The following CCDC171 variants were observed in gnomAD, a reference collection of about 807,000 sequenced individuals.
CCDC171 encodes coiled-coil domain-containing protein 171.
In CCDC171, 177 loss-of-function variants were observed where a neutral mutation model predicts 168.2. The observed-to-expected ratio is 1.05, with a 90% CI of 0.93 to 1.19. The LOEUF (loss-of-function observed/expected upper bound fraction) is 1.19, where lower values mean the gene tolerates loss of function less well. Among genes scored for constraint, CCDC171 ranks in the 50% most tolerant of loss-of-function variants. CCDC171 has a pLI of 0.00. For missense variants in CCDC171, 1,991 were observed against 1,539.0 expected (o/e 1.29, Z -4.91); for synonymous variants, 687 against 540.8 (o/e 1.27, Z -3.75).
downstream of CCDC171, among the ~76,000 whole-genome samples, chr9:15,978,547 G>T (rs983291941): frequency 2.0e-5 from 3 of 152,156 alleles, no homozygotes; most frequent in African/African-American, 7.2e-5. Flanking sequence ...TTTTGAGGAA[G>T]TCCAACGTTG....
intron 15 of CCDC171, among the ~76,000 whole-genome samples, chr9:15,729,086 C>G (rs77432394): frequency 0.024 from 3,723 of 152,120 alleles, 135 homozygotes; most frequent in African/African-American, 0.083. Context: ...TGTGTTTTAA[C>G]CCTATGAGAT....
the CCDC171 span, among the ~76,000 whole-genome samples, chr9:16,096,702 C>T: frequency 1.3e-5 from 2 of 152,190 alleles, no homozygotes; most frequent in African/African-American, 2.4e-5. Context: ...CCATGACACA[C>T]TTCTTGCAAG....
chr9:15,868,743 T>C (rs537619478), intron 23 of CCDC171, among the ~76,000 whole-genome samples: 9 of 152,106 alleles, frequency 5.9e-5, no homozygotes, highest in Non-Finnish European at 8.8e-5. Flanking sequence ...AAACGCATTA[T>C]TGTTTGGCGC....
chr9:15,748,817 A>T (rs990928937), intron 18 of CCDC171, among the ~76,000 whole-genome samples: 1 of 152,216 alleles, frequency 6.6e-6, no homozygotes, highest in Admixed American at 6.5e-5. Context: ...AGAGCTCCTG[A>T]AGGAAGCACT....
At chr9:15,669,130 T>G (rs1275836197) in intron 9 of CCDC171, among the ~76,000 whole-genome samples, 1 of 152,114 alleles carries the variant, frequency 6.6e-6, no homozygotes, top group African/African-American at 2.4e-5. Context: ...AAAAAAGCTG[T>G]GTGTATATTG....
At chr9:15,938,460 A>G (rs958685162) in intron 25 of CCDC171, among the ~76,000 whole-genome samples, 17 of 151,940 alleles carry the variant, frequency 1.1e-4, no homozygotes, top group African/African-American at 4.1e-4. Flanking sequence ...TTCTTTTAAA[A>G]AATGACTGTA....
intron 24 of CCDC171, among the ~76,000 whole-genome samples, chr9:15,890,176 T>G (rs1038156528): frequency 5.3e-5 from 8 of 149,820 alleles, no homozygotes; most frequent in Non-Finnish European, 1.0e-4. Context: ...TTTTTTTTTT[T>G]GAGGGGAAAG....
intron 1 of CCDC171, among the ~76,000 whole-genome samples, chr9:15,554,342 T>G (rs371390198): frequency 4.6e-5 from 7 of 152,200 alleles, no homozygotes; most frequent in East Asian, 1.9e-4. Flanking sequence ...TATTTAACTG[T>G]TAGTTCCTAC....
chr9:15,781,527 C>T (rs1180677924), intron 20 of CCDC171, among the ~76,000 whole-genome samples: 3 of 152,144 alleles, frequency 2.0e-5, no homozygotes, highest in Admixed American at 6.5e-5. Flanking sequence ...AAGGAATTCT[C>T]CTGCCTCAGC....
At chr9:15,764,812 A>G (rs140238820) in intron 18 of CCDC171, among the ~76,000 whole-genome samples, 13 of 152,306 alleles carry the variant, frequency 8.5e-5, no homozygotes, top group African/African-American at 3.1e-4. Context: ...CATTAGAATT[A>G]CCTGTGGAGC....
At chr9:15,950,881 C>G (rs970964293) in intron 25 of CCDC171, among the ~76,000 whole-genome samples, 45 of 151,278 alleles carry the variant, frequency 3.0e-4, no homozygotes, top group African/African-American at 1.0e-3. Flanking sequence ...GGAAAGCCAT[C>G]TCACGTGCAG....
the CCDC171 span, among the ~76,000 whole-genome samples, chr9:16,090,259 T>C: frequency 6.6e-6 from 1 of 152,222 alleles, no homozygotes; most frequent in Admixed American, 6.5e-5. Flanking sequence ...GATGAGTTCA[T>C]GTCCTTTGCA....
intron 24 of CCDC171, among the ~76,000 whole-genome samples, chr9:15,920,009 T>C (rs1825093925): frequency 6.6e-6 from 1 of 151,738 alleles, no homozygotes; most frequent in Non-Finnish European, 1.5e-5. Context: ...AAAACCGCAT[T>C]CTAAATTTTA....
At chr9:15,568,625 T>C (rs1361572632) in intron 2 of CCDC171, among the ~76,000 whole-genome samples, 2 of 152,196 alleles carry the variant, frequency 1.3e-5, no homozygotes, top group Non-Finnish European at 2.9e-5. Flanking sequence ...TGGTATCTCA[T>C]TGTGGTTTTG....
At chr9:15,993,273 C>G (rs1393790778) in intron 3 of CCDC171, among the ~76,000 whole-genome samples, 1 of 152,014 alleles carries the variant, frequency 6.6e-6, no homozygotes, top group Non-Finnish European at 1.5e-5. Context: ...CAGAACAGAG[C>G]CCTCAGAAAT....
chr9:15,623,475 G>GCGCACGCGCGCGCGCA, intron 7 of CCDC171, 62 bp downstream of exon 7: 6 of 315,440 alleles, frequency 1.9e-5, no homozygotes. Context: ...GCGCGCGCGC[G>GCGCACGCGCGCGCGCA]CACACACACA....
chr9:15,631,821 C>A (rs1049840977), intron 7 of CCDC171, among the ~76,000 whole-genome samples: 1 of 152,188 alleles, frequency 6.6e-6, no homozygotes, highest in Non-Finnish European at 1.5e-5. Context: ...GCTTATCCAC[C>A]ATGATCAAGT....
chr9:15,715,058 C>G (rs549428867), intron 11 of CCDC171, among the ~76,000 whole-genome samples: 3 of 152,140 alleles, frequency 2.0e-5, no homozygotes, highest in Admixed American at 1.3e-4. Context: ...TTCAGGGAAC[C>G]CATTTTGATG....
chr9:16,062,606 C>T (rs578234145), downstream of CCDC171, among the ~76,000 whole-genome samples: 1 of 152,184 alleles, frequency 6.6e-6, no homozygotes, highest in Non-Finnish European at 1.5e-5. Context: ...ATTCATTCAT[C>T]CATTCATTCA....
Sources: allele counts gnomAD v4.1 joint callset (sites outside exome capture counted in the v4.1 genomes callset), GRCh38; gene constraint gnomAD v4.1.1; transcripts MANE v1.5; gene names NCBI Gene and HGNC (gene_info 2026-07-23, HGNC 2026-07-21).